Variants in PKD2L2 observed in about 807,000 individuals in gnomAD.
PKD2L2 encodes polycystin-2-like protein 2.
A neutral mutation model predicts 83.9 loss-of-function variants in PKD2L2; 67 were observed. That is an observed-to-expected ratio of 0.80 (90% confidence interval 0.66 to 0.98). The LOEUF (loss-of-function observed/expected upper bound fraction) is 0.98. PKD2L2 is among the 50% of genes least tolerant of loss of function. The probability of loss-of-function intolerance (pLI) is 0.00; values close to 1 mark genes in which losing one functional copy is unlikely to be tolerated. For synonymous variants in PKD2L2, 223 were observed against 237.8 expected (o/e 0.94, Z 0.57); for missense variants, 632 against 717.2 (o/e 0.88, Z 1.36).
intron 5 of PKD2L2, among the ~76,000 whole-genome samples, chr5:137,904,585 G>C (rs1370768137): frequency 6.6e-6 from 1 of 152,114 alleles, no homozygotes; most frequent in Non-Finnish European, 1.5e-5. Context: ...GGACAGAAAA[G>C]GGGGAACAAC....
chr5:137,927,380 C>T (rs1759461971), intron 12 of PKD2L2, among the ~76,000 whole-genome samples: 1 of 152,136 alleles, frequency 6.6e-6, no homozygotes, highest in African/African-American at 2.4e-5. Flanking sequence ...AAATAACTGG[C>T]CTGTTCTTCA....
chr5:137,939,737 A>G (rs1761094514), intron 14 of PKD2L2: 1 of 513,994 alleles, frequency 1.9e-6, no homozygotes, highest in Non-Finnish European at 2.6e-6. Context: ...GTTTTCTAGG[A>G]AAACAGAGAA....
chr5:137,938,523 T>C (rs190193993), intron 14 of PKD2L2: 8 of 152,734 alleles, frequency 5.2e-5, no homozygotes, highest in Non-Finnish European at 1.2e-4. Context: ...TATTTTCAAT[T>C]TCACTTTTCT....
rs772923915 is a variant in PKD2L2, at chr5:137,936,321, C to CT, written c.1793dup (p.Leu598PhefsTer82). On this transcript the variant is annotated frameshift_variant and splice_region_variant, in exon 14 of 15. Coordinates refer to ENST00000508883, the MANE Select transcript of PKD2L2 (RefSeq NM_001300921.2). LOFTEE classifies it high-confidence loss of function. ...TCTACTTCCTTCGAAATTTTCTAGACTTTTTTTATATGCTGTGGAGCTGGA... is the reference window on the plus strand; with the variant it reads ...TCTACTTCCTTCGAAATTTTCTAGACTTTTTTTTATATGCTGTGGAGCTGGA... The CT allele has an allele frequency of 2.0e-5, 31 of 1,529,842 alleles. No homozygotes were observed. The South Asian group carries it at 2.7e-4, about 14-fold the overall frequency. The allele number at this position is 1,529,842 out of a possible 1,614,324, so 94.8% of individuals were successfully genotyped here. A position where few individuals can be genotyped will look rare whatever the true frequency, so the allele number is the denominator to read the frequency against.
In PKD2L2 at chr5:137,900,445, G is replaced by T. The variant is rs532320604; in HGVS notation, c.746+708G>T. On this transcript the variant is annotated intron_variant, in intron 5 of 14. Coordinates refer to ENST00000508883, the MANE Select transcript of PKD2L2 (RefSeq NM_001300921.2). ...ACTGGGGGTGCTCCCACAAAGTAGA[G>T]AAATATCATGACATTGAAAGAGAAA... Among the ~76,000 whole-genome samples, 11 of 152,316 alleles carry T rather than the reference G, an allele frequency of 7.2e-5. No individual in the cohort carries two copies. The East Asian group carries it at 2.1e-3, about 29-fold the overall frequency.
chr5:137,926,494 G>C (rs1390437913), intron 12 of PKD2L2, among the ~76,000 whole-genome samples: 1 of 152,136 alleles, frequency 6.6e-6, no homozygotes, highest in Non-Finnish European at 1.5e-5. Context: ...CTCATTTTCG[G>C]ATAAAGGAAT....
intron 12 of PKD2L2, among the ~76,000 whole-genome samples, chr5:137,931,285 A>C (rs943311221): frequency 6.6e-6 from 1 of 152,226 alleles, no homozygotes; most frequent in Non-Finnish European, 1.5e-5. Context: ...AACAGTTTCA[A>C]GCTATTTAAG....
chr5:137,928,599 A>C (rs1194787462), intron 12 of PKD2L2, among the ~76,000 whole-genome samples: 2 of 151,928 alleles, frequency 1.3e-5, no homozygotes, highest in African/African-American at 2.4e-5. Flanking sequence ...ACCCAGCTAA[A>C]TTTTGTGTTT....
intron 9 of PKD2L2, among the ~76,000 whole-genome samples, chr5:137,922,556 G>A (rs1759007369): frequency 6.6e-6 from 1 of 152,228 alleles, no homozygotes; most frequent in South Asian, 2.1e-4. Flanking sequence ...TGGGCAACAT[G>A]ACGAAATGCT....
intron 8 of PKD2L2, among the ~76,000 whole-genome samples, chr5:137,920,319 G>C (rs1758777812): frequency 6.6e-6 from 1 of 152,108 alleles, no homozygotes; most frequent in Non-Finnish European, 1.5e-5. Flanking sequence ...AATAAAATAA[G>C]ATTTTCAAGT....
intron 8 of PKD2L2, among the ~76,000 whole-genome samples, chr5:137,919,074 A>G (rs1001332588): frequency 6.6e-6 from 1 of 152,124 alleles, no homozygotes; most frequent in Non-Finnish European, 1.5e-5. Flanking sequence ...AATCTCTTGT[A>G]GTGACCCAAT....
chr5:137,930,474 CA>C (rs1229090147), intron 12 of PKD2L2, among the ~76,000 whole-genome samples: 2 of 151,820 alleles, frequency 1.3e-5, no homozygotes, highest in African/African-American at 2.4e-5. Context: ...AGTTCGAGAC[CA>C]GCCTGACCAA....
At chr5:137,917,035 T>C (rs1416609410) in intron 8 of PKD2L2, among the ~76,000 whole-genome samples, 1 of 152,174 alleles carries the variant, frequency 6.6e-6, no homozygotes, top group Non-Finnish European at 1.5e-5. Context: ...GGGAAGTTTT[T>C]GGCCATCATT....
chr5:137,918,371 A>G (rs1365677549), intron 8 of PKD2L2, among the ~76,000 whole-genome samples: 10 of 152,200 alleles, frequency 6.6e-5, no homozygotes. Flanking sequence ...AGTGAGAGGT[A>G]GGGGAAGATA....
intron 8 of PKD2L2, among the ~76,000 whole-genome samples, chr5:137,919,200 G>C (rs934024622): frequency 6.6e-6 from 1 of 152,090 alleles, no homozygotes; most frequent in East Asian, 1.9e-4. Context: ...AAAGTTAACA[G>C]GGCCATCAAA....
intron 5 of PKD2L2, among the ~76,000 whole-genome samples, chr5:137,904,216 G>T (rs973509547): frequency 6.6e-6 from 1 of 152,104 alleles, no homozygotes; most frequent in Non-Finnish European, 1.5e-5. Flanking sequence ...CAAACAACAT[G>T]GGAGTCAGAA....
intron 14 of PKD2L2, 90 bp downstream of exon 14, chr5:137,936,517 G>T (rs1760425231): frequency 2.8e-6 from 3 of 1,062,202 alleles, no homozygotes. Flanking sequence ...GTGCAGTGGC[G>T]TGGTCTCGGC....
At chr5:137,892,953 A>G (rs757756048) in intron 3 of PKD2L2, among the ~76,000 whole-genome samples, 3 of 152,182 alleles carry the variant, frequency 2.0e-5, no homozygotes, top group Non-Finnish European at 4.4e-5. Context: ...ACTAAAAAAT[A>G]CAAACATTAG....
chr5:137,936,478 C>T (rs1413987391), intron 14 of PKD2L2, 51 bp downstream of exon 14: 97 of 1,414,992 alleles, frequency 6.9e-5, no homozygotes, highest in Non-Finnish European at 8.5e-5. Context: ...TTTTTTGAGA[C>T]GGAGTCTCGC....
Sources: allele counts gnomAD v4.1 joint callset (sites outside exome capture counted in the v4.1 genomes callset), GRCh38; gene constraint gnomAD v4.1.1; transcripts MANE v1.5; gene names NCBI Gene and HGNC (gene_info 2026-07-23, HGNC 2026-07-21).